The following NR2C2 variants were observed in gnomAD, a reference collection of about 807,000 sequenced individuals.
NR2C2 encodes Nuclear hormone receptor TR4.
NR2C2 carries 6 observed loss-of-function variants against 62.9 expected under a neutral mutation model. The observed-to-expected ratio is 0.10, with a 90% CI of 0.05 to 0.19. The LOEUF is 0.19. Among genes scored for constraint, NR2C2 ranks in the 10% least tolerant of loss-of-function variants. The probability of loss-of-function intolerance (pLI) is 1.00; values close to 1 mark genes in which losing one functional copy is unlikely to be tolerated. For missense variants in NR2C2, 479 were observed against 762.7 expected (o/e 0.63, Z 4.38); for synonymous variants, 272 against 273.8 (o/e 0.99, Z 0.07).
At chr3:15,003,016 G>T (rs1013827842) in intron 1 of NR2C2, among the ~76,000 whole-genome samples, 2 of 148,910 alleles carry the variant, frequency 1.3e-5, no homozygotes, top group African/African-American at 5.0e-5. Flanking sequence ...CACAATCTCC[G>T]CTTACTGCAG....
intron 7 of NR2C2, among the ~76,000 whole-genome samples, chr3:15,024,609 G>T (rs909864560): frequency 2.0e-5 from 3 of 152,208 alleles, no homozygotes; most frequent in African/African-American, 7.2e-5. Context: ...GCTCAGCCAG[G>T]AATCTATCAG....
At chr3:15,026,546 A>C (rs2041826591) in intron 7 of NR2C2, 1 of 152,042 alleles carries the variant, frequency 6.6e-6, no homozygotes, top group Non-Finnish European at 1.5e-5. Context: ...TTCTGACTCT[A>C]TGGTTTTGTC....
intron 11 of NR2C2, among the ~76,000 whole-genome samples, chr3:15,035,753 G>A (rs766557159): frequency 1.3e-4 from 20 of 152,364 alleles, no homozygotes; most frequent in Non-Finnish European, 2.5e-4. Flanking sequence ...GAGGCTGGGT[G>A]CAGTGGCTCA....
At chr3:15,037,874 C>G (rs878900537) in intron 11 of NR2C2, 126 bp from the exon 12 acceptor site, 8 of 1,040,378 alleles carry the variant, frequency 7.7e-6, no homozygotes, top group Non-Finnish European at 9.7e-6. Context: ...TCTTGTTCAC[C>G]TTGAGATTAC....
intron 2 of NR2C2, among the ~76,000 whole-genome samples, chr3:15,006,994 C>T (rs866120536): frequency 2.0e-5 from 3 of 152,012 alleles, no homozygotes; most frequent in Admixed American, 2.0e-4. Flanking sequence ...AGGCTGGTCT[C>T]GAACTCCTGA....
chr3:14,950,330 T>C (rs1407232347), intron 1 of NR2C2, among the ~76,000 whole-genome samples: 3 of 152,238 alleles, frequency 2.0e-5, no homozygotes, highest in African/African-American at 7.2e-5. Flanking sequence ...CTTTATGATT[T>C]ACAGAACTCT....
intron 4 of NR2C2, among the ~76,000 whole-genome samples, chr3:15,016,687 T>A (rs537031837): frequency 6.6e-6 from 1 of 152,286 alleles, no homozygotes; most frequent in East Asian, 1.9e-4. Context: ...AGGCATGTGA[T>A]TCCAGCTAGT....
intron 1 of NR2C2, among the ~76,000 whole-genome samples, chr3:14,954,596 A>G (rs1266713980): frequency 2.0e-5 from 3 of 152,362 alleles, no homozygotes; most frequent in South Asian, 2.1e-4. Context: ...AATGTTGGGC[A>G]AAAGAAGCCA....
At chr3:15,008,318 T>G (rs772216673) in intron 2 of NR2C2, among the ~76,000 whole-genome samples, 3 of 151,370 alleles carry the variant, frequency 2.0e-5, no homozygotes, top group Non-Finnish European at 4.4e-5. Context: ...TCTCAGGAGT[T>G]CAAGACCAGC....
chr3:14,991,997 C>A (rs1018077893), intron 1 of NR2C2, among the ~76,000 whole-genome samples: 1 of 151,952 alleles, frequency 6.6e-6, no homozygotes, highest in East Asian at 1.9e-4. Context: ...TACTCAAACT[C>A]CTGGCCTCAA....
intron 1 of NR2C2, among the ~76,000 whole-genome samples, chr3:14,950,159 A>G (rs1232140723): frequency 6.6e-6 from 1 of 152,244 alleles, no homozygotes; most frequent in Non-Finnish European, 1.5e-5. Flanking sequence ...GATATAAATA[A>G]TGAAATTTTT....
chr3:14,949,558 A>G (rs1411540045), intron 1 of NR2C2, among the ~76,000 whole-genome samples: 1 of 152,264 alleles, frequency 6.6e-6, no homozygotes, highest in African/African-American at 2.4e-5. Context: ...CAGCCTTCAT[A>G]TGAATTACTG....
rs1381108078 is a variant in NR2C2, at chr3:15,044,873, AG to A, written c.*1868del. 1 of 152,258 alleles carries A rather than the reference AG, an allele frequency of 6.6e-6. No individual in the cohort carries two copies. Among genetic ancestry groups the A allele is most frequent in the East Asian group, 1.9e-4 (1 of 5,202 alleles). 9.4% of individuals were successfully genotyped at this position (152,258 alleles called of 1,614,324 possible). A position where few individuals can be genotyped will look rare whatever the true frequency, so the allele number is the denominator to read the frequency against. On this transcript the variant is annotated 3_prime_UTR_variant, in exon 14 of 14. Coordinates refer to ENST00000425241, the MANE Select transcript of NR2C2 (RefSeq NM_001291694.2). ...GCACTTTACGCAAGTCAGTGTTAGTAGGGTAAGTGGGAACAGTGTTTCCAAC... is the reference window on the plus strand; with the variant it reads ...GCACTTTACGCAAGTCAGTGTTAGTAGGTAAGTGGGAACAGTGTTTCCAAC...
Position 15,034,390 on chromosome 3 carries a change from G to A in NR2C2, c.1233-280G>A, listed in dbSNP as rs1049064757. On this transcript the variant is annotated intron_variant, in intron 10 of 13. Transcript: ENST00000425241. The stretch of plus-strand genomic sequence containing the variant: ...CAGGATGCTGAGGCTTTTGAAGGCT[G>A]TAGGTAATGATGGTTTGGCCATACC... The A allele has an allele frequency of 5.8e-5, 18 of 311,560 alleles. No homozygotes were observed. In the East Asian group the frequency reaches 7.9e-4, roughly 14 times the overall value. 19.3% of individuals were successfully genotyped at this position (311,560 alleles called of 1,614,324 possible).
At chr3:14,957,181 A>G (rs547799817) in intron 1 of NR2C2, among the ~76,000 whole-genome samples, 17 of 152,322 alleles carry the variant, frequency 1.1e-4, no homozygotes, top group Admixed American at 9.8e-4. Context: ...TGCATGTTAT[A>G]TTTATAAGCC....
chr3:15,035,568 C>T (rs933057212), intron 11 of NR2C2, among the ~76,000 whole-genome samples: 1 of 152,246 alleles, frequency 6.6e-6, no homozygotes, highest in Non-Finnish European at 1.5e-5. Flanking sequence ...GATAAGGTCC[C>T]TGGCTTGCCC....
intron 1 of NR2C2, among the ~76,000 whole-genome samples, chr3:14,952,145 C>G (rs79149354): frequency 0.016 from 2,412 of 152,322 alleles, 68 homozygotes; most frequent in African/African-American, 0.054. Context: ...GGCTTCAGAA[C>G]CTGGAGTTGG....
At position 15,043,181 on chromosome 3, in the gene NR2C2, C is replaced by T. The variant is rs2042331723; in HGVS notation, c.*173C>T. 2.2e-6 allele frequency: 1 copy of T among 463,878 alleles called. No individual in the cohort carries two copies. The highest frequency in any genetic ancestry group is 3.6e-6 in the Non-Finnish European group (1 of 276,882). 28.7% of individuals were successfully genotyped at this position (463,878 alleles called of 1,614,324 possible). On this transcript the variant is annotated 3_prime_UTR_variant, in exon 14 of 14. Transcript: ENST00000425241. ...ATAGCAATTAAAAGACTAGTAGGAT[C>T]CTTTCCTGACATAAGAAATGTTTTA... is the stretch of plus-strand genomic sequence containing the variant.
At chr3:15,010,271 T>TC (rs1236065565) in intron 2 of NR2C2, among the ~76,000 whole-genome samples, 39 of 152,110 alleles carry the variant, frequency 2.6e-4, no homozygotes, top group Non-Finnish European at 3.7e-4. Context: ...TTGGGAGATT[T>TC]TTTTTTCTGC....
Sources: allele counts gnomAD v4.1 joint callset (sites outside exome capture counted in the v4.1 genomes callset), GRCh38; gene constraint gnomAD v4.1.1; transcripts MANE v1.5; gene names NCBI Gene and HGNC (gene_info 2026-07-23, HGNC 2026-07-21).